Variants in RUFY3 observed in about 807,000 individuals in gnomAD.
RUFY3 encodes the protein RUN and FYVE domain containing 3.
Under a neutral mutation model 84.0 loss-of-function variants are expected in RUFY3, and 34 were observed. The ratio of observed to expected loss-of-function variants is 0.40; its 90% confidence interval spans 0.31 to 0.54. The LOEUF (loss-of-function observed/expected upper bound fraction) is 0.54, where lower values mean the gene tolerates loss of function less well. RUFY3 is among the 20% of genes least tolerant of loss of function. The pLI is 0.39. For missense variants in RUFY3, 507 were observed against 736.8 expected, an observed-to-expected ratio of 0.69 and a Z score of 3.61; for synonymous variants, 242 against 252.9, an observed-to-expected ratio of 0.96 and a Z score of 0.41.
intron 6 of RUFY3, among the ~76,000 whole-genome samples, chr4:70,774,582 T>G (rs1256578640): frequency 9.2e-6 from 1 of 108,404 alleles, no homozygotes; most frequent in Non-Finnish European, 1.7e-5. Flanking sequence ...ACCATTGCAC[T>G]CCGGCCTGGG....
chr4:70,791,271 A>T (rs959946827), intron 12 of RUFY3: 1 of 1,613,576 alleles, frequency 6.2e-7, no homozygotes, highest in African/African-American at 1.3e-5. Flanking sequence ...TAGTGCAGCA[A>T]ATAAACTGAT....
At chr4:70,735,143 AAG>A (rs1370618227) in intron 1 of RUFY3, among the ~76,000 whole-genome samples, 6 of 152,228 alleles carry the variant, frequency 3.9e-5, no homozygotes, top group African/African-American at 7.2e-5. Context: ...TCTGGTTGGA[AAG>A]AGCAAGTGCT....
chr4:70,754,414 A>G (rs922470105), intron 1 of RUFY3, among the ~76,000 whole-genome samples: 2 of 152,184 alleles, frequency 1.3e-5, no homozygotes, highest in Non-Finnish European at 2.9e-5. Context: ...TTACTTAAGT[A>G]AATTTTCTTA....
intron 17 of RUFY3, among the ~76,000 whole-genome samples, chr4:70,805,667 C>A (rs1035868151): frequency 6.6e-6 from 1 of 152,158 alleles, no homozygotes; most frequent in Non-Finnish European, 1.5e-5. Context: ...CAAAGTAGAA[C>A]AAACTGTTAA....
chr4:70,704,527 T>G, upstream of RUFY3: 3 of 159,284 alleles, frequency 1.9e-5, no homozygotes, highest in Non-Finnish European at 1.4e-5. Context: ...CTGACCGCCT[T>G]ACAGGGCCCA....
intron 1 of RUFY3, among the ~76,000 whole-genome samples, chr4:70,705,941 CTT>C (rs1475454828): frequency 6.6e-6 from 1 of 152,168 alleles, no homozygotes; most frequent in Non-Finnish European, 1.5e-5. Flanking sequence ...GAATGTGTGG[CTT>C]TGGAAGGCTA....
exon 1 of RUFY3, chr4:70,705,029 C>T (rs1740097985): frequency 2.5e-6 from 3 of 1,222,926 alleles, no homozygotes; most frequent in Admixed American, 4.4e-5. Flanking sequence ...AGGAGCCGCG[C>T]CGCGCTCCCG....
Position 70,788,974 on chromosome 4 carries a change from G to T in RUFY3, c.1239+1G>T. ...GCATGAACTTGCCTTTAAGCTGCAG[G>T]TAGGGGAAATATGAGGAATAGACTC... On this transcript the variant is annotated splice_donor_variant, in intron 11 of 17. Coordinates refer to ENST00000381006, the MANE Select transcript of RUFY3 (RefSeq NM_001037442.4). LOFTEE classifies it high-confidence loss of function. 4 of 1,613,856 alleles carry T rather than the reference G, an allele frequency of 2.5e-6. No homozygotes were observed. Among genetic ancestry groups the T allele is most frequent in the Non-Finnish European group, 3.4e-6 (4 of 1,179,806 alleles).
upstream of RUFY3, among the ~76,000 whole-genome samples, chr4:70,717,193 A>T (rs1741722776): frequency 6.6e-6 from 1 of 152,228 alleles, no homozygotes; most frequent in African/African-American, 2.4e-5. Context: ...TAAAAAGCGT[A>T]CAATGCATCA....
At chr4:70,732,368 A>G (rs1719413352) in intron 1 of RUFY3, among the ~76,000 whole-genome samples, 1 of 152,122 alleles carries the variant, frequency 6.6e-6, no homozygotes, top group South Asian at 2.1e-4. Flanking sequence ...ATATCCAACA[A>G]ACTTCTGGTG....
At chr4:70,718,310 T>C (rs779547664), upstream of RUFY3, among the ~76,000 whole-genome samples, 10 of 152,252 alleles carry the variant, frequency 6.6e-5, no homozygotes, top group Non-Finnish European at 1.5e-4. Flanking sequence ...TGTCTTATAG[T>C]AGCAGCCGAG....
chr4:70,727,941 C>T (rs1041993599), intron 1 of RUFY3, among the ~76,000 whole-genome samples: 10 of 152,046 alleles, frequency 6.6e-5, no homozygotes, highest in Middle Eastern at 3.4e-3. Context: ...GTTTATAACA[C>T]GTTTACCCTT....
chr4:70,744,921 C>G (rs1483595116), intron 1 of RUFY3, among the ~76,000 whole-genome samples: 1 of 152,008 alleles, frequency 6.6e-6, no homozygotes, highest in South Asian at 2.1e-4. Flanking sequence ...TCCCAAAGTG[C>G]TGGGATTACA....
At chr4:70,734,112 GT>G (rs1397344893) in intron 1 of RUFY3, among the ~76,000 whole-genome samples, 2 of 151,872 alleles carry the variant, frequency 1.3e-5, no homozygotes, top group African/African-American at 4.8e-5. Context: ...TTTATTTTGG[GT>G]TTTTTTCAAA....
At chr4:70,755,951 G>GAA (rs112202020) in intron 1 of RUFY3, among the ~76,000 whole-genome samples, 1 of 124,978 alleles carries the variant, frequency 8.0e-6, no homozygotes. Context: ...ATTCTGTCTC[G>GAA]AAAAAAAAAA....
chr4:70,732,807 T>C (rs1019684277), intron 1 of RUFY3, among the ~76,000 whole-genome samples: 3 of 151,880 alleles, frequency 2.0e-5, no homozygotes, highest in African/African-American at 7.3e-5. Flanking sequence ...ATACCTAATA[T>C]AAATGACGAG....
chr4:70,760,510 G>A (rs1209419729), intron 1 of RUFY3, among the ~76,000 whole-genome samples: 1 of 151,924 alleles, frequency 6.6e-6, no homozygotes, highest in Non-Finnish European at 1.5e-5. Flanking sequence ...CAGGTGGGAA[G>A]GCTAGTAGCC....
At chr4:70,785,381 T>A (rs1729614762) in intron 10 of RUFY3, among the ~76,000 whole-genome samples, 1 of 152,128 alleles carries the variant, frequency 6.6e-6, no homozygotes, top group Non-Finnish European at 1.5e-5. Context: ...AATATATAGA[T>A]AGAGAGTATA....
At chr4:70,802,848 A>AT (rs1273579755) in intron 15 of RUFY3, 108 bp from the exon 16 acceptor site, 11 of 743,864 alleles carry the variant, frequency 1.5e-5, no homozygotes, top group Non-Finnish European at 2.2e-5. Context: ...GACCTACAGT[A>AT]TTTCTTGTTT....
Sources: gnomAD v4.1 joint callset for allele counts (sites outside exome capture counted in the v4.1 genomes callset) on GRCh38, gnomAD v4.1.1 for gene constraint, MANE v1.5 for transcripts, NCBI Gene and HGNC (gene_info 2026-07-23, HGNC 2026-07-21) for gene names.